Variants in ZEB1 observed in about 807,000 individuals in gnomAD.
The protein encoded by ZEB1 is zinc finger E-box binding homeobox 1, also known as zinc finger E-box-binding homeobox 1.
In ZEB1, 21 loss-of-function variants were observed where a neutral mutation model predicts 84.9. That is an observed-to-expected ratio of 0.25 (90% confidence interval 0.18 to 0.36). ZEB1 has a LOEUF of 0.36. ZEB1 is among the 10% of genes least tolerant of loss of function. The probability of loss-of-function intolerance (pLI) is 1.00; values close to 1 mark genes in which losing one functional copy is unlikely to be tolerated. For missense variants in ZEB1, 1,104 were observed against 1,330.2 expected, an observed-to-expected ratio of 0.83 and a Z score of 2.65; for synonymous variants, 420 against 471.1, an observed-to-expected ratio of 0.89 and a Z score of 1.41.
intron 2 of ZEB1, among the ~76,000 whole-genome samples, chr10:31,462,245 A>G (rs548845989): frequency 6.6e-6 from 1 of 152,338 alleles, no homozygotes; most frequent in South Asian, 2.1e-4. Context: ...CAATATGACA[A>G]ATCTAATGGT....
intron 1 of ZEB1, among the ~76,000 whole-genome samples, chr10:31,453,687 C>A (rs998119869): frequency 4.6e-5 from 7 of 152,166 alleles, no homozygotes; most frequent in African/African-American, 1.7e-4. Flanking sequence ...GACACATACA[C>A]CCTCCCAAGT....
At chr10:31,485,918 C>G (rs898351443) in intron 2 of ZEB1, among the ~76,000 whole-genome samples, 4 of 151,750 alleles carry the variant, frequency 2.6e-5, no homozygotes, top group African/African-American at 9.7e-5. Context: ...TCCTGGCAAC[C>G]GTGATCTTTT....
At chr10:31,351,028 G>A (rs2041231951) in intron 1 of ZEB1, among the ~76,000 whole-genome samples, 1 of 152,088 alleles carries the variant, frequency 6.6e-6, no homozygotes, top group Admixed American at 6.5e-5. Flanking sequence ...CCCCCATTAT[G>A]TTCACTTTCT....
At chr10:31,348,177 A>G (rs1419689810) in intron 1 of ZEB1, among the ~76,000 whole-genome samples, 1 of 152,316 alleles carries the variant, frequency 6.6e-6, no homozygotes, top group Non-Finnish European at 1.5e-5. Context: ...TGTCTGGGAA[A>G]AAAGCAGAAG....
chr10:31,504,680 A>G (rs2068670593), intron 4 of ZEB1, among the ~76,000 whole-genome samples: 2 of 152,138 alleles, frequency 1.3e-5, no homozygotes, highest in South Asian at 4.1e-4. Context: ...CTTCTTGGGT[A>G]AATTTATCCC....
intron 1 of ZEB1, among the ~76,000 whole-genome samples, chr10:31,399,477 T>C (rs1266354588): frequency 1.3e-5 from 2 of 152,106 alleles, no homozygotes; most frequent in Non-Finnish European, 2.9e-5. Context: ...ACATTTCTGT[T>C]ACCAAAATAT....
At chr10:31,332,501 G>A (rs1290424833) in intron 1 of ZEB1, among the ~76,000 whole-genome samples, 1 of 152,136 alleles carries the variant, frequency 6.6e-6, no homozygotes, top group African/African-American at 2.4e-5. Context: ...TCTGCATAGA[G>A]CTCCACCTTG....
chr10:31,341,724 G>C (rs757632820), intron 1 of ZEB1, among the ~76,000 whole-genome samples: 4 of 152,084 alleles, frequency 2.6e-5, no homozygotes, highest in Non-Finnish European at 4.4e-5. Flanking sequence ...GAACAGAAGT[G>C]TTTCAGAGTC....
chr10:31,330,653 T>A (rs1029427389), intron 1 of ZEB1, among the ~76,000 whole-genome samples: 1 of 152,232 alleles, frequency 6.6e-6, no homozygotes, highest in African/African-American at 2.4e-5. Context: ...ATGCTTGATC[T>A]TACTGATTTT....
rs762393321 is a variant in ZEB1 at position 31,510,655 on chromosome 10, A to T, written c.485-18A>T. The T allele has an allele frequency of 2.5e-6, 4 of 1,601,674 alleles. No individual in the cohort carries two copies. The African/African-American group carries it at 4.0e-5, about 16-fold the overall frequency. ...TCTGAATGTTTTAAATTTAAAATAT[A>T]TGATCTTTCTTTTACAGGAACACCA... On this transcript the variant is annotated intron_variant, in intron 4 of 8. Transcript: ENST00000424869.
chr10:31,414,261 T>C (rs2054816121), intron 1 of ZEB1, among the ~76,000 whole-genome samples: 2 of 152,234 alleles, frequency 1.3e-5, no homozygotes, highest in African/African-American at 4.8e-5. Context: ...ACTTGTTTTT[T>C]CTATCTTCTC....
intron 1 of ZEB1, among the ~76,000 whole-genome samples, chr10:31,416,391 C>T (rs1040390694): frequency 2.6e-5 from 4 of 152,102 alleles, no homozygotes; most frequent in African/African-American, 9.7e-5. Context: ...ATTTCTTACC[C>T]TCAGATGATG....
At chr10:31,497,499 A>G (rs547984882) in intron 3 of ZEB1, among the ~76,000 whole-genome samples, 2 of 152,272 alleles carry the variant, frequency 1.3e-5, no homozygotes, top group African/African-American at 4.8e-5. Flanking sequence ...CGCCTGGAAC[A>G]TGGGGAGTTA....
intron 1 of ZEB1, among the ~76,000 whole-genome samples, chr10:31,357,787 T>C (rs2042347671): frequency 6.6e-6 from 1 of 152,142 alleles, no homozygotes; most frequent in Non-Finnish European, 1.5e-5. Flanking sequence ...AAAATACATA[T>C]ATTAGGATTA....
intron 1 of ZEB1, among the ~76,000 whole-genome samples, chr10:31,402,770 T>A (rs2052306384): frequency 6.7e-6 from 1 of 149,952 alleles, no homozygotes; most frequent in South Asian, 2.1e-4. Context: ...GATTAAACTT[T>A]CCTGACTCCT....
rs1565249286 is a variant in ZEB1, at chr10:31,528,141, G to GT, written c.*878dup. On this transcript the variant is annotated 3_prime_UTR_variant, in exon 9 of 9. Coordinates refer to ENST00000424869, the MANE Select transcript of ZEB1 (RefSeq NM_001174096.2). ...TGGCCTTAAGCAAGACCTGTGTGCTGTAAGTGCCATTTCTCAGTATTTTCA... is the reference window on the plus strand; with the variant it reads ...TGGCCTTAAGCAAGACCTGTGTGCTGTTAAGTGCCATTTCTCAGTATTTTCA... 6.6e-6 allele frequency: 1 copy of GT among 152,202 alleles called. No homozygotes were observed. Among genetic ancestry groups the GT allele is most frequent in the Non-Finnish European group, 1.5e-5 (1 of 68,020 alleles). 9.4% of individuals were successfully genotyped at this position (152,202 alleles called of 1,614,324 possible).
intron 6 of ZEB1, among the ~76,000 whole-genome samples, chr10:31,518,717 A>G (rs1238475508): frequency 6.6e-6 from 1 of 152,118 alleles, no homozygotes; most frequent in African/African-American, 2.4e-5. Flanking sequence ...AGACAGGACC[A>G]TCTTGTGCAG....
intron 1 of ZEB1, among the ~76,000 whole-genome samples, chr10:31,372,254 A>G (rs574380161): frequency 5.3e-5 from 8 of 152,232 alleles, no homozygotes; most frequent in African/African-American, 1.7e-4. Context: ...TAAATTGTCA[A>G]TAACTATTGA....
intron 1 of ZEB1, among the ~76,000 whole-genome samples, chr10:31,417,405 C>G (rs748729603): frequency 6.6e-6 from 1 of 152,088 alleles, no homozygotes; most frequent in Admixed American, 6.6e-5. Context: ...AGTCATCTGA[C>G]TTGGATCATT....
Sources: allele counts gnomAD v4.1 joint callset (sites outside exome capture counted in the v4.1 genomes callset), GRCh38; gene constraint gnomAD v4.1.1; transcripts MANE v1.5; gene names NCBI Gene and HGNC (gene_info 2026-07-23, HGNC 2026-07-21).